The following TRIQK variants were observed in gnomAD, a reference collection of about 807,000 sequenced individuals.
The protein encoded by TRIQK is triple QxxK/R motif-containing protein.
Under a neutral mutation model 10.8 loss-of-function variants are expected in TRIQK, and 10 were observed. That is an observed-to-expected ratio of 0.92 (90% confidence interval 0.57 to 1.57). The LOEUF (loss-of-function observed/expected upper bound fraction) is 1.57, where lower values mean the gene tolerates loss of function less well. Among genes scored for constraint, TRIQK ranks in the 40% most tolerant of loss-of-function variants. The probability of loss-of-function intolerance (pLI) is 0.00; values close to 1 mark genes in which losing one functional copy is unlikely to be tolerated. For synonymous variants in TRIQK, 33 were observed against 33.7 expected, an observed-to-expected ratio of 0.98 and a Z score of 0.07; for missense variants, 107 against 97.7, an observed-to-expected ratio of 1.09 and a Z score of -0.40.
chr8:92,909,743 TGGA>T (rs967905628), intron 3 of TRIQK, among the ~76,000 whole-genome samples: 4 of 151,642 alleles, frequency 2.6e-5, no homozygotes, highest in Non-Finnish European at 3.0e-5. Context: ...AATTTATACA[TGGA>T]GGAGAATTAT....
chr8:92,997,032 A>T (rs1170247063), intron 1 of TRIQK, among the ~76,000 whole-genome samples: 6 of 152,012 alleles, frequency 3.9e-5, no homozygotes, highest in Non-Finnish European at 5.9e-5. Flanking sequence ...AAAATTTATG[A>T]TGACCAATAC....
At chr8:92,886,827 C>T in intron 4 of TRIQK, 92 bp from the exon 5 acceptor site, 1 of 738,562 alleles carries the variant, frequency 1.4e-6, no homozygotes. Context: ...TATTGTTCCA[C>T]AGTCTAGAAT....
chr8:92,894,944 G>A (rs1808514047), intron 3 of TRIQK, among the ~76,000 whole-genome samples: 4 of 152,212 alleles, frequency 2.6e-5, no homozygotes, highest in Admixed American at 2.6e-4. Context: ...CATCTGCTGT[G>A]GTTTAATGTG....
chr8:92,983,413 C>A (rs1482860986), intron 1 of TRIQK, among the ~76,000 whole-genome samples: 1 of 152,008 alleles, frequency 6.6e-6, no homozygotes, highest in Non-Finnish European at 1.5e-5. Flanking sequence ...CAGTAGAATG[C>A]AAGTAGGCAG....
intron 3 of TRIQK, among the ~76,000 whole-genome samples, chr8:92,915,316 T>C (rs1297026874): frequency 6.6e-6 from 1 of 152,126 alleles, no homozygotes. Flanking sequence ...AATAATATTG[T>C]ATTGTACACT....
chr8:92,916,603 T>A (rs565157216), intron 3 of TRIQK, among the ~76,000 whole-genome samples: 2 of 152,072 alleles, frequency 1.3e-5, no homozygotes, highest in Non-Finnish European at 2.9e-5. Context: ...TTATAATATG[T>A]ATACAAAGGA....
chr8:92,953,966 A>T (rs1477211256), intron 2 of TRIQK: 1 of 151,980 alleles, frequency 6.6e-6, no homozygotes, highest in Non-Finnish European at 1.5e-5. Context: ...ATTGCTGAGT[A>T]AATGATATTT....
intron 3 of TRIQK, among the ~76,000 whole-genome samples, chr8:92,900,828 G>A (rs961263371): frequency 6.6e-6 from 1 of 151,934 alleles, no homozygotes; most frequent in Non-Finnish European, 1.5e-5. Flanking sequence ...GTTTGCTCTG[G>A]GTAGGATAAA....
At chr8:92,908,445 C>G (rs2130397022) in intron 3 of TRIQK, among the ~76,000 whole-genome samples, 1 of 152,240 alleles carries the variant, frequency 6.6e-6, no homozygotes, top group African/African-American at 2.4e-5. Context: ...GTTATTCTTT[C>G]AATGAAAATA....
rs1195755606 is a variant in TRIQK at position 92,958,032 on chromosome 8, T to C, written c.-180-3468A>G. Among the ~76,000 whole-genome samples the C allele has an allele frequency of 5.3e-5, 8 of 152,048 alleles. No homozygotes were observed. The East Asian group carries it at 1.5e-3, about 29-fold the overall frequency. On this transcript the variant is annotated intron_variant, in intron 1 of 4. Coordinates refer to ENST00000521988, the MANE Select transcript of TRIQK (RefSeq NM_001171797.2). ...TTTCAAAATACCAATTTGATCATGT[T>C]GCTCTCCATTTGAAAACCTGAAATG...
At chr8:92,995,587 T>C (rs1378341004) in intron 1 of TRIQK, among the ~76,000 whole-genome samples, 1 of 152,058 alleles carries the variant, frequency 6.6e-6, no homozygotes, top group Non-Finnish European at 1.5e-5. Context: ...TTGAAGTAGT[T>C]TTACCCTTCT....
intron 2 of TRIQK, among the ~76,000 whole-genome samples, chr8:92,952,954 TTA>T (rs1811983973): frequency 6.6e-6 from 1 of 152,024 alleles, no homozygotes; most frequent in Non-Finnish European, 1.5e-5. Context: ...TTCTACCAAC[TTA>T]TTTTGGATAT....
chr8:92,991,085 A>G (rs1410573772), intron 1 of TRIQK, among the ~76,000 whole-genome samples: 1 of 152,082 alleles, frequency 6.6e-6, no homozygotes, highest in Non-Finnish European at 1.5e-5. Context: ...GTCCACTATT[A>G]CTAAGGCTTG....
intron 2 of TRIQK, among the ~76,000 whole-genome samples, chr8:92,918,698 G>A (rs143947783): frequency 6.6e-5 from 10 of 151,734 alleles, no homozygotes; most frequent in Admixed American, 3.3e-4. Flanking sequence ...TGTTTTCTTT[G>A]CTGTGAAGAA....
chr8:92,980,919 A>G (rs1812979900), intron 1 of TRIQK, among the ~76,000 whole-genome samples: 1 of 150,874 alleles, frequency 6.6e-6, no homozygotes, highest in African/African-American at 2.4e-5. Flanking sequence ...TTTCATTTTT[A>G]TTAATTTATT....
intron 3 of TRIQK, among the ~76,000 whole-genome samples, chr8:92,913,422 CCATCT>C (rs1809669387): frequency 6.6e-6 from 1 of 152,112 alleles, no homozygotes; most frequent in Admixed American, 6.5e-5. Flanking sequence ...CAGTGAGACA[CCATCT>C]CATGACAGTC....
At chr8:93,004,833 C>A (rs941122074) in intron 1 of TRIQK, among the ~76,000 whole-genome samples, 1 of 152,210 alleles carries the variant, frequency 6.6e-6, no homozygotes, top group Non-Finnish European at 1.5e-5. Context: ...CACAAGTGAC[C>A]TTTACTCCAG....
At chr8:92,943,456 G>A (rs1415966077) in intron 2 of TRIQK, among the ~76,000 whole-genome samples, 1 of 152,104 alleles carries the variant, frequency 6.6e-6, no homozygotes, top group Non-Finnish European at 1.5e-5. Context: ...AAAACAGCAT[G>A]GCATTGGCAT....
At chr8:92,898,866 TATATATAG>T (rs1808765068) in intron 3 of TRIQK, among the ~76,000 whole-genome samples, 2 of 139,648 alleles carry the variant, frequency 1.4e-5, no homozygotes, top group African/African-American at 5.3e-5. Context: ...TATATATATA[TATATATAG>T]ATGGGGGTAC....
Sources: allele counts gnomAD v4.1 joint callset (sites outside exome capture counted in the v4.1 genomes callset), GRCh38; gene constraint gnomAD v4.1.1; transcripts MANE v1.5; gene names NCBI Gene and HGNC (gene_info 2026-07-23, HGNC 2026-07-21).